The following PHEX variants were observed in gnomAD, a reference collection of about 807,000 sequenced individuals.
PHEX encodes phosphate-regulating neutral endopeptidase PHEX.
Under a neutral mutation model 68.0 loss-of-function variants are expected in PHEX, and 16 were observed. The observed-to-expected ratio is 0.24, with a 90% CI of 0.16 to 0.36. The LOEUF (loss-of-function observed/expected upper bound fraction) is 0.36. Among genes scored for constraint, PHEX ranks in the 10% least tolerant of loss-of-function variants. The pLI is 1.00. For synonymous variants in PHEX, 208 were observed against 205.1 expected (o/e 1.01, Z -0.12); for missense variants, 480 against 575.5 (o/e 0.83, Z 1.70).
At chrX:22,096,888 T>C (rs1055925604) in intron 7 of PHEX, 67 bp from the exon 8 acceptor site, 2 of 829,139 alleles carry the variant, frequency 2.4e-6, no homozygotes, top group Non-Finnish European at 3.7e-6. Context: ...TTGGCACATG[T>C]AGGAAGTAAT....
intron 3 of PHEX, among the ~76,000 whole-genome samples, chrX:22,068,848 AGGCCAGGTGTGCT>A (rs1257370665): frequency 2.7e-5 from 3 of 112,167 alleles, no homozygotes; most frequent in Admixed American, 9.5e-5. Context: ...TAGGAGGCAG[AGGCCAGGTGTGCT>A]GGCTCACATC....
chrX:22,201,289 G>C (rs1432729627), intron 15 of PHEX, among the ~76,000 whole-genome samples: 1 of 111,157 alleles, frequency 9.0e-6, no homozygotes, highest in African/African-American at 3.3e-5. Context: ...CGATTCCCCT[G>C]CCTCAGCCTC....
intron 15 of PHEX, among the ~76,000 whole-genome samples, chrX:22,212,499 C>T (rs1934960794): frequency 9.0e-6 from 1 of 111,671 alleles, no homozygotes; most frequent in South Asian, 3.9e-4. Context: ...AAGATAGTGG[C>T]AGGAGAAGAT....
intron 17 of PHEX, among the ~76,000 whole-genome samples, chrX:22,221,347 G>A (rs981914214): frequency 1.8e-5 from 2 of 112,324 alleles, no homozygotes; most frequent in African/African-American, 3.2e-5. Context: ...GATTGAATAA[G>A]ACTAGTATAT....
In PHEX at chrX:22,114,596, ACTCCCC is replaced by A. The variant is rs751585265; in HGVS notation, c.1302+11_1302+16del. 59 of 1,198,245 alleles carry A rather than the reference ACTCCCC, an allele frequency of 4.9e-5. No individual in the cohort carries two copies. In the East Asian group the frequency reaches 1.0e-3, roughly 21 times the overall value. The stretch of plus-strand genomic sequence containing the variant: ...AGATAAGAAGGAAATGGTAAGTGGT[ACTCCCC>A]AGCTAGCAAAAAATAATGGCAATTT... On this transcript the variant is annotated intron_variant, in intron 11 of 21. Coordinates refer to ENST00000379374, the MANE Select transcript of PHEX (RefSeq NM_000444.6).
chrX:22,247,019 CA>C (rs1440970774), intron 21 of PHEX, among the ~76,000 whole-genome samples: 5 of 111,416 alleles, frequency 4.5e-5, no homozygotes, highest in Non-Finnish European at 7.5e-5. Context: ...ATACCACTTC[CA>C]AAAGGCAGCT....
At chrX:22,129,434 A>G (rs915766765) in intron 11 of PHEX, among the ~76,000 whole-genome samples, 1 of 111,823 alleles carries the variant, frequency 8.9e-6, no homozygotes, top group Non-Finnish European at 1.9e-5. Context: ...GCGAAGAAAT[A>G]TAATTTTTTA....
At chrX:22,131,809 T>C (rs1272907046) in intron 11 of PHEX, among the ~76,000 whole-genome samples, 1 of 112,439 alleles carries the variant, frequency 8.9e-6, no homozygotes, top group East Asian at 2.8e-4. Context: ...TGTTTTTTTT[T>C]TCTTGGGTGT....
chrX:22,245,528 C>T (rs1009974233), intron 21 of PHEX, 119 bp downstream of exon 21: 9 of 550,145 alleles, frequency 1.6e-5, no homozygotes, highest in African/African-American at 1.6e-4. Context: ...ACATTGTGGA[C>T]GTGTGATTTC....
intron 12 of PHEX, among the ~76,000 whole-genome samples, chrX:22,137,503 G>A (rs1359936627): frequency 9.0e-6 from 1 of 111,323 alleles, no homozygotes; most frequent in Non-Finnish European, 1.9e-5. Flanking sequence ...TGCAGAGGGC[G>A]AAACAGAGGT....
rs184289077 is a variant in PHEX, at chrX:22,149,647, G to A, written c.1404+16023G>A. Among the ~76,000 whole-genome samples the A allele has an allele frequency of 5.6e-3, 625 of 111,802 alleles. 4 individuals are homozygous for A. The highest frequency in any genetic ancestry group is 0.019 in the African/African-American group (586 of 30,863). On this transcript the variant is annotated intron_variant, in intron 12 of 21. Transcript: ENST00000379374. ...TGCCTGCCTGTAATTCCAGCTACTC[G>A]GGAGGCTGAGGCAGGAGAATCGCTT...
chrX:22,109,529 C>T (rs1185980132), intron 9 of PHEX, among the ~76,000 whole-genome samples: 1 of 111,561 alleles, frequency 9.0e-6, no homozygotes, highest in Admixed American at 9.5e-5. Flanking sequence ...CTAGTAGGAG[C>T]GCATGTCCAC....
chrX:22,133,972 C>T (rs1157955073), intron 12 of PHEX, among the ~76,000 whole-genome samples: 2 of 111,793 alleles, frequency 1.8e-5, no homozygotes, highest in Non-Finnish European at 3.8e-5. Flanking sequence ...TCACAGGGAG[C>T]AGCTGGAACA....
At chrX:22,128,945 G>T (rs1931858465) in intron 11 of PHEX, among the ~76,000 whole-genome samples, 1 of 108,801 alleles carries the variant, frequency 9.2e-6, no homozygotes, top group South Asian at 4.1e-4. Flanking sequence ...CTATCATAAG[G>T]TTTATTTTAT....
chrX:22,104,976 A>T (rs781044602), intron 9 of PHEX, among the ~76,000 whole-genome samples: 1 of 112,463 alleles, frequency 8.9e-6, no homozygotes, highest in Non-Finnish European at 1.9e-5. Context: ...TTTTCATATA[A>T]AGCAAGTACA....
At chrX:22,194,038 TG>T (rs1934286756) in intron 15 of PHEX, among the ~76,000 whole-genome samples, 1 of 111,501 alleles carries the variant, frequency 9.0e-6, no homozygotes, top group Admixed American at 9.5e-5. Context: ...GGTACTTAAG[TG>T]TGTCTAATAA....
chrX:22,042,814 C>CA (rs113618403), intron 2 of PHEX, among the ~76,000 whole-genome samples: 4,010 of 97,579 alleles, frequency 0.041, 201 homozygotes, highest in African/African-American at 0.14. Flanking sequence ...GACTCCGCCT[C>CA]AAAAAAAAAA....
At chrX:22,193,861 T>TCC (rs1289080579) in intron 15 of PHEX, among the ~76,000 whole-genome samples, 1 of 112,428 alleles carries the variant, frequency 8.9e-6, no homozygotes, top group African/African-American at 3.2e-5. Flanking sequence ...AAGCTGGTGT[T>TCC]CCAAAGTACA....
At chrX:22,231,992 G>T (rs1473579599) in intron 20 of PHEX, among the ~76,000 whole-genome samples, 1 of 111,916 alleles carries the variant, frequency 8.9e-6, no homozygotes, top group Admixed American at 9.5e-5. Context: ...TGGTTTCAAA[G>T]AACATCTTTA....
Sources: gnomAD v4.1 joint callset for allele counts (sites outside exome capture counted in the v4.1 genomes callset) on GRCh38, gnomAD v4.1.1 for gene constraint, MANE v1.5 for transcripts, NCBI Gene and HGNC (gene_info 2026-07-23, HGNC 2026-07-21) for gene names.